Variants in DSCAM observed in about 807,000 individuals in gnomAD.
DSCAM encodes the protein cell adhesion molecule DSCAM.
In DSCAM, 47 loss-of-function variants were observed where a neutral mutation model predicts 217.7. The ratio of observed to expected loss-of-function variants is 0.22; its 90% CI spans 0.17 to 0.28. The LOEUF is 0.28. Among genes scored for constraint, DSCAM ranks in the 10% least tolerant of loss-of-function variants. The probability of loss-of-function intolerance (pLI) is 1.00; values close to 1 mark genes in which losing one functional copy is unlikely to be tolerated. For missense variants in DSCAM, 2,080 were observed against 2,618.3 expected (o/e 0.79, Z 4.49); for synonymous variants, 1,056 against 1,015.3 (o/e 1.04, Z -0.76).
intron 11 of DSCAM, among the ~76,000 whole-genome samples, chr21:40,225,807 G>A (rs1018166196): frequency 1.3e-5 from 2 of 152,144 alleles, no homozygotes; most frequent in African/African-American, 4.8e-5. Flanking sequence ...ACTAAGGGGA[G>A]AAGAAAGTAG....
intron 3 of DSCAM, among the ~76,000 whole-genome samples, chr21:40,637,534 CATAT>C (rs2089809361): frequency 3.1e-5 from 1 of 32,236 alleles, no homozygotes; most frequent in Non-Finnish European, 6.1e-5. Flanking sequence ...TAAATATATA[CATAT>C]ATACATATAT....
At chr21:40,707,129 G>T (rs1316728393) in intron 2 of DSCAM, among the ~76,000 whole-genome samples, 3 of 152,166 alleles carry the variant, frequency 2.0e-5, no homozygotes, top group African/African-American at 7.2e-5. Flanking sequence ...AAAATCCAAG[G>T]CAGACATAAT....
rs532137678 is a variant in DSCAM at position 40,826,904 on chromosome 21, C to T, written c.43+19715G>A. On this transcript the variant is annotated intron_variant, in intron 1 of 32. Transcript: ENST00000400454. ...AGAGAAGAAATCATGGATAGAGATACGAATATGGAAGTCATCAGCATAGAG... is the reference window on the plus strand; with the variant it reads ...AGAGAAGAAATCATGGATAGAGATATGAATATGGAAGTCATCAGCATAGAG... 7.1e-4 allele frequency among the ~76,000 whole-genome samples: 108 copies of T among 151,510 alleles called. 1 individual carries two copies. Among genetic ancestry groups the T allele is most frequent in the African/African-American group, 2.5e-3 (103 of 41,238 alleles).
chr21:40,620,582 G>GA (rs1281596599), intron 3 of DSCAM, among the ~76,000 whole-genome samples: 1 of 151,740 alleles, frequency 6.6e-6, no homozygotes, highest in Non-Finnish European at 1.5e-5. Flanking sequence ...AAAAAGAAAA[G>GA]AAAAAAGAAG....
intron 3 of DSCAM, among the ~76,000 whole-genome samples, chr21:40,570,423 C>T (rs931053916): frequency 2.6e-5 from 4 of 152,224 alleles, no homozygotes; most frequent in Admixed American, 1.3e-4. Context: ...ACAGAAGGAG[C>T]ATGTCCTTCC....
At chr21:40,290,751 G>C (rs561997646) in intron 10 of DSCAM, among the ~76,000 whole-genome samples, 2 of 152,302 alleles carry the variant, frequency 1.3e-5, no homozygotes, top group African/African-American at 4.8e-5. Context: ...AGTGTGAGCC[G>C]CCAATATCTG....
intron 2 of DSCAM, among the ~76,000 whole-genome samples, chr21:40,704,849 G>A (rs1426247043): frequency 1.3e-5 from 2 of 152,180 alleles, no homozygotes; most frequent in African/African-American, 4.8e-5. Flanking sequence ...ATTCAACAAG[G>A]ATAAGTGAGG....
intron 8 of DSCAM, among the ~76,000 whole-genome samples, chr21:40,314,957 C>T (rs1192705254): frequency 6.6e-6 from 1 of 152,102 alleles, no homozygotes; most frequent in African/African-American, 2.4e-5. Flanking sequence ...ATTTCACAAG[C>T]CTTTAAGATG....
In DSCAM at chr21:40,637,560, CATATATAAAT is replaced by C. The variant is rs1218383664; in HGVS notation, c.508+55240_508+55249del. Among the ~76,000 whole-genome samples the C allele has an allele frequency of 5.0e-4, 27 of 54,300 alleles. 1 individual carries two copies. The highest frequency in any genetic ancestry group is 7.1e-4 in the Non-Finnish European group (20 of 28,028). 35.6% of individuals were successfully genotyped at this position (54,300 alleles called of 152,430 possible). ...ATATATACATATATATAAATATATA[CATATATAAAT>C]ATATATAAATATATACATATATAAA... On this transcript the variant is annotated intron_variant, in intron 3 of 32. Coordinates refer to ENST00000400454, the MANE Select transcript of DSCAM (RefSeq NM_001389.5).
chr21:40,568,994 G>A (rs2076785925), intron 3 of DSCAM, among the ~76,000 whole-genome samples: 1 of 152,184 alleles, frequency 6.6e-6, no homozygotes, highest in South Asian at 2.1e-4. Flanking sequence ...AACAGCTGAT[G>A]CCTAATCCCA....
chr21:40,013,051 A>AT lies in DSCAM; in HGVS notation c.6021dup (p.Ser2008IlefsTer16). On this transcript the variant is annotated frameshift_variant, in exon 33 of 33. Transcript: ENST00000400454. LOFTEE classifies it high-confidence loss of function. ...GCTGTCTGTTATACCAGGGTGTAAGATTTTGCGTAAGGATTGTTTCCTTTC... is the reference window on the plus strand; with the variant it reads ...GCTGTCTGTTATACCAGGGTGTAAGATTTTTGCGTAAGGATTGTTTCCTTTC... 6.6e-7 allele frequency: 1 copy of AT among 1,521,884 alleles called. No homozygotes were observed. The highest frequency in any genetic ancestry group is 8.8e-7 in the Non-Finnish European group (1 of 1,131,960). 94.3% of individuals were successfully genotyped at this position (1,521,884 alleles called of 1,614,324 possible).
At chr21:40,624,515 AG>A (rs1453002214) in intron 3 of DSCAM, among the ~76,000 whole-genome samples, 1 of 152,166 alleles carries the variant, frequency 6.6e-6, no homozygotes, top group African/African-American at 2.4e-5. Context: ...CTCATCTCCA[AG>A]TGGGGTGAGA....
At chr21:40,726,225 T>C (rs1439775577) in intron 1 of DSCAM, among the ~76,000 whole-genome samples, 1 of 152,118 alleles carries the variant, frequency 6.6e-6, no homozygotes, top group East Asian at 1.9e-4. Context: ...ACACATGCAG[T>C]GAAAACTAAG....
chr21:40,493,821 C>T (rs1416296603), intron 3 of DSCAM, among the ~76,000 whole-genome samples: 1 of 147,424 alleles, frequency 6.8e-6, no homozygotes, highest in Non-Finnish European at 1.5e-5. Context: ...CAAGATCGTG[C>T]CATTGCACTC....
In DSCAM at chr21:40,133,837, G is replaced by A. The variant is rs769539908; in HGVS notation, c.3562+17C>T. The stretch of plus-strand genomic sequence containing the variant: ...CTTCCAGCAACTGCTGGGACCCACC[G>A]CCCACCCGTCTCTCACCATCCTCTT... On this transcript the variant is annotated intron_variant, in intron 19 of 32. Coordinates refer to ENST00000400454, the MANE Select transcript of DSCAM (RefSeq NM_001389.5). 1.3e-5 allele frequency: 20 copies of A among 1,585,380 alleles called. No individual in the cohort carries two copies. The South Asian group carries it at 1.4e-4, about 11-fold the overall frequency.
intron 26 of DSCAM, among the ~76,000 whole-genome samples, chr21:40,076,838 T>C (rs1012582827): frequency 2.0e-5 from 3 of 152,230 alleles, no homozygotes; most frequent in Non-Finnish European, 2.9e-5. Flanking sequence ...TATTGCAAGA[T>C]AATGATCTAA....
chr21:40,670,170 G>A (rs933259302), intron 3 of DSCAM, among the ~76,000 whole-genome samples: 1 of 152,088 alleles, frequency 6.6e-6, no homozygotes, highest in African/African-American at 2.4e-5. Context: ...AGTTATTTGT[G>A]GTAAAGTACA....
chr21:40,511,684 T>G (rs2076258177), intron 3 of DSCAM, among the ~76,000 whole-genome samples: 1 of 152,058 alleles, frequency 6.6e-6, no homozygotes, highest in Non-Finnish European at 1.5e-5. Context: ...AAGTCACTCT[T>G]TCACCAACCT....
chr21:40,082,499 A>C (rs939279514), intron 24 of DSCAM, among the ~76,000 whole-genome samples: 1 of 151,850 alleles, frequency 6.6e-6, no homozygotes, highest in Non-Finnish European at 1.5e-5. Flanking sequence ...AGACAGTGAT[A>C]ATTGTGACTC....
Sources: allele counts gnomAD v4.1 joint callset (sites outside exome capture counted in the v4.1 genomes callset), GRCh38; gene constraint gnomAD v4.1.1; transcripts MANE v1.5; gene names NCBI Gene and HGNC (gene_info 2026-07-23, HGNC 2026-07-21).